Variants in IMMP2L observed in about 807,000 individuals in gnomAD.
IMMP2L encodes inner mitochondrial membrane peptidase subunit 2.
In IMMP2L, 18 loss-of-function variants were observed where a neutral mutation model predicts 19.3. The ratio of observed to expected loss-of-function variants is 0.93; its 90% confidence interval spans 0.64 to 1.38. The LOEUF (loss-of-function observed/expected upper bound fraction) is 1.38, where lower values mean the gene tolerates loss of function less well. Ranked by LOEUF, IMMP2L falls within the 40% of genes most tolerant of loss-of-function variation. IMMP2L has a pLI of 0.00. For synonymous variants in IMMP2L, 76 were observed against 73.0 expected, an observed-to-expected ratio of 1.04 and a Z score of -0.21; for missense variants, 233 against 218.2, an observed-to-expected ratio of 1.07 and a Z score of -0.43.
chr7:111,539,194 GGGAGAAAGAAAGAAAGAA>G (rs1848233256), intron 1 of IMMP2L, among the ~76,000 whole-genome samples: 1 of 60,894 alleles, frequency 1.6e-5, no homozygotes, highest in African/African-American at 7.3e-5. Flanking sequence ...GAAGGAAGGA[GGGAGAAAGAAAGAAAGAA>G]AGAAAGAAAG....
chr7:110,873,928 A>AG (rs1343243777), intron 5 of IMMP2L, among the ~76,000 whole-genome samples: 5 of 152,134 alleles, frequency 3.3e-5, no homozygotes, highest in African/African-American at 1.2e-4. Flanking sequence ...CCTCTTAAGG[A>AG]GGGGCTACTA....
At chr7:111,154,548 AAAATAGTGACGGAAAACCAATACTGGTT>A (rs1400697205) in intron 3 of IMMP2L, among the ~76,000 whole-genome samples, 1 of 152,176 alleles carries the variant, frequency 6.6e-6, no homozygotes, top group Non-Finnish European at 1.5e-5. Context: ...CAGTAAAAAG[AAAATAGTGACGGAAAACCAATACTGGTT>A]AAACTAACTA....
chr7:110,901,376 T>C (rs1164222224), intron 4 of IMMP2L, among the ~76,000 whole-genome samples: 1 of 152,194 alleles, frequency 6.6e-6, no homozygotes, highest in Non-Finnish European at 1.5e-5. Context: ...TAGAATACCA[T>C]AAACAATTAA....
chr7:111,026,098 A>G (rs571303083), intron 3 of IMMP2L, among the ~76,000 whole-genome samples: 41 of 152,272 alleles, frequency 2.7e-4, no homozygotes, highest in Non-Finnish European at 5.3e-4. Flanking sequence ...CAAACTCTCA[A>G]GTAGGACACA....
chr7:111,072,670 C>T (rs142071810), intron 3 of IMMP2L, among the ~76,000 whole-genome samples: 12 of 152,034 alleles, frequency 7.9e-5, no homozygotes, highest in East Asian at 1.9e-4. Flanking sequence ...CCGAGGCAGG[C>T]GGATCACGAG....
intron 5 of IMMP2L, among the ~76,000 whole-genome samples, chr7:110,675,362 G>A (rs1244932276): frequency 6.6e-6 from 1 of 151,482 alleles, no homozygotes; most frequent in Admixed American, 6.6e-5. Context: ...CCTTTGTCAG[G>A]CTCAAAAAAA....
intron 3 of IMMP2L, among the ~76,000 whole-genome samples, chr7:110,988,948 G>C (rs943975279): frequency 6.6e-6 from 1 of 152,008 alleles, no homozygotes; most frequent in African/African-American, 2.4e-5. Context: ...ACATTAATAT[G>C]TTCTTTTGCC....
At chr7:111,089,357 A>G (rs1796617262) in intron 3 of IMMP2L, among the ~76,000 whole-genome samples, 1 of 152,146 alleles carries the variant, frequency 6.6e-6, no homozygotes, top group East Asian at 1.9e-4. Flanking sequence ...TATACAGTCA[A>G]TACCAATCAA....
intron 2 of IMMP2L, among the ~76,000 whole-genome samples, chr7:111,520,417 G>A (rs76072636): frequency 0.025 from 3,784 of 152,186 alleles, 68 homozygotes; most frequent in Non-Finnish European, 0.037. Context: ...CTGACTACCA[G>A]AACTCAGGGA....
intron 5 of IMMP2L, among the ~76,000 whole-genome samples, chr7:110,779,172 C>T (rs1458520108): frequency 6.6e-6 from 1 of 151,794 alleles, no homozygotes; most frequent in Non-Finnish European, 1.5e-5. Flanking sequence ...CACAAACTGG[C>T]CATAAGAGTC....
At chr7:111,483,314 T>C (rs1237664013) in intron 3 of IMMP2L, 3 of 152,148 alleles carry the variant, frequency 2.0e-5, no homozygotes, top group African/African-American at 7.2e-5. Flanking sequence ...TGTGAAATAG[T>C]GCAACTTATG....
intron 3 of IMMP2L, among the ~76,000 whole-genome samples, chr7:111,479,637 T>C (rs1038044516): frequency 2.6e-5 from 4 of 152,196 alleles, no homozygotes; most frequent in African/African-American, 4.8e-5. Context: ...TAGCTAAATC[T>C]GACTCCTTAC....
At chr7:111,257,425 G>A (rs983302235) in intron 3 of IMMP2L, among the ~76,000 whole-genome samples, 1 of 152,078 alleles carries the variant, frequency 6.6e-6, no homozygotes, top group African/African-American at 2.4e-5. Context: ...ATAACTCCAT[G>A]CTTTCATTTA....
intron 4 of IMMP2L, among the ~76,000 whole-genome samples, chr7:110,889,381 T>C (rs1338914469): frequency 6.6e-6 from 1 of 152,138 alleles, no homozygotes; most frequent in Non-Finnish European, 1.5e-5. Flanking sequence ...TGGGAGATAG[T>C]GACAGATCAT....
rs182565628 is a variant in IMMP2L at position 111,227,140 on chromosome 7, C to T, written c.239+260098G>A. ...GCTTTCAATGGTTCCAGATATCATT[C>T]TCTGGCATTGGTAGCACAGAATGCT... On this transcript the variant is annotated intron_variant, in intron 3 of 5. Transcript: ENST00000405709. Among the ~76,000 whole-genome samples, 15 of 152,190 alleles carry T rather than the reference C, an allele frequency of 9.9e-5. 1 individual carries two copies. Among genetic ancestry groups the T allele is most frequent in the African/African-American group, 3.4e-4 (14 of 41,536 alleles).
Position 110,833,514 on chromosome 7 carries a change from G to A in IMMP2L, c.408+53079C>T, listed in dbSNP as rs188082397. Among the ~76,000 whole-genome samples, 3 of 151,636 alleles carry A rather than the reference G, an allele frequency of 2.0e-5. No individual in the cohort carries two copies. The East Asian group carries it at 5.8e-4, about 29-fold the overall frequency. On this transcript the variant is annotated intron_variant, in intron 5 of 5. Transcript: ENST00000405709. ...ATTTTTAATTATGTCTTGCCACCTA[G>A]GGGCATTCTTAGACCATCTGGGGGG...
intron 3 of IMMP2L, among the ~76,000 whole-genome samples, chr7:111,068,664 C>T (rs1229681816): frequency 6.6e-6 from 1 of 152,126 alleles, no homozygotes; most frequent in East Asian, 1.9e-4. Context: ...GCACAAGTAT[C>T]AGCTTTTAGC....
intron 5 of IMMP2L, among the ~76,000 whole-genome samples, chr7:110,706,994 TTTTTTTTTAA>T (rs1247466948): frequency 1.3e-4 from 11 of 81,794 alleles, no homozygotes; most frequent in Admixed American, 1.5e-4. Flanking sequence ...CACTTAAATT[TTTTTTTTTAA>T]TTTTTTTTTT....
intron 3 of IMMP2L, among the ~76,000 whole-genome samples, chr7:111,130,944 T>C (rs1221158335): frequency 1.3e-5 from 2 of 152,018 alleles, no homozygotes; most frequent in African/African-American, 4.8e-5. Context: ...CCCTATTTCC[T>C]AGTAAATTAA....
Sources: allele counts gnomAD v4.1 joint callset (sites outside exome capture counted in the v4.1 genomes callset), GRCh38; gene constraint gnomAD v4.1.1; transcripts MANE v1.5; gene names NCBI Gene and HGNC (gene_info 2026-07-23, HGNC 2026-07-21).